Variants in TSC1 observed in about 807,000 individuals in gnomAD.
TSC1 encodes TSC complex subunit 1.
In TSC1, 20 loss-of-function variants were observed where a neutral mutation model predicts 124.3. The ratio of observed to expected loss-of-function variants is 0.16; its 90% CI spans 0.11 to 0.23. The LOEUF (loss-of-function observed/expected upper bound fraction) is 0.23. Among genes scored for constraint, TSC1 ranks in the 10% least tolerant of loss-of-function variants. TSC1 has a pLI of 1.00. For synonymous variants in TSC1, 493 were observed against 539.1 expected, an observed-to-expected ratio of 0.91 and a Z score of 1.19; for missense variants, 1,124 against 1,448.5, an observed-to-expected ratio of 0.78 and a Z score of 3.64.
At chr9:132,928,614 T>C (rs763385886) in intron 3 of TSC1, among the ~76,000 whole-genome samples, 153 bp downstream of exon 3, 9 of 152,226 alleles carry the variant, frequency 5.9e-5, no homozygotes, top group South Asian at 2.1e-4. Flanking sequence ...ATTTCCATAA[T>C]TGAAAGTTTA....
At chr9:132,941,772 G>A (rs537569246) in intron 1 of TSC1, 1 of 152,234 alleles carries the variant, frequency 6.6e-6, no homozygotes, top group African/African-American at 2.4e-5. Flanking sequence ...AATTTGCTTG[G>A]TTTTTATAAA....
Position 132,891,660 on chromosome 9 carries a change from C to T in TSC1, c.*4575G>A, listed in dbSNP as rs990682712. On this transcript the variant is annotated 3_prime_UTR_variant, in exon 23 of 23. Transcript: ENST00000298552. ...CCCTTTAAACTGCAAGTTTGCCACA[C>T]ATGGTTCATTCATGATTGAGTTATA... 7.3e-5 allele frequency: 17 copies of T among 233,562 alleles called. No individual in the cohort carries two copies. Among genetic ancestry groups the T allele is most frequent in the African/African-American group, 3.1e-4 (14 of 45,346 alleles). 14.5% of individuals were successfully genotyped at this position (233,562 alleles called of 1,614,324 possible). A position where few individuals can be genotyped will look rare whatever the true frequency, so the allele number is the denominator to read the frequency against.
intron 2 of TSC1, among the ~76,000 whole-genome samples, chr9:132,931,734 T>C (rs1847214012): frequency 6.6e-6 from 1 of 152,100 alleles, no homozygotes; most frequent in Non-Finnish European, 1.5e-5. Flanking sequence ...CATTTGAGGG[T>C]CTACAGTAAG....
At position 132,905,806 on chromosome 9, in the gene TSC1, G is replaced by A. The variant is rs768985094; in HGVS notation, c.1772C>T (p.Pro591Leu). 9 of 1,614,098 alleles carry A rather than the reference G, an allele frequency of 5.6e-6. No individual in the cohort carries two copies. The highest frequency in any genetic ancestry group is 3.3e-5 in the Admixed American group (2 of 60,000). The change falls in exon 15 of 23, where the codon CCG becomes CTG. Residue 591 changes from proline to leucine, a missense_variant. Physicochemically the swap from Pro to Leu is moderately conservative, Grantham distance 98. Transcript: ENST00000298552. The part of the protein sequence containing the change: ...FTPSPCKIPP[P>L]TRVGFGSGQP... Reference sequence around the variant, plus strand: ...CCCGCTTCCAAAGCCCACTCTCGTCGGAGGTGGAATTTTACAAGGACTGGG... The same window carrying A: ...CCCGCTTCCAAAGCCCACTCTCGTCAGAGGTGGAATTTTACAAGGACTGGG...
chr9:132,908,917 T>TTTTTTG (rs1264821966), intron 12 of TSC1, among the ~76,000 whole-genome samples: 3 of 151,040 alleles, frequency 2.0e-5, no homozygotes, highest in Non-Finnish European at 4.4e-5. Context: ...TTTTTTTTTT[T>TTTTTTG]TGTGACAGTC....
rs772288584 is a variant in TSC1, at chr9:132,896,451, T to G, written c.3279A>C (p.Arg1093=). ...TCTCGCTCTTATTACGAAATAACTC[T>G]CGAGCCTTCATACCCAGGAAGCTTT... ...SSKSFLGMKA[R]ELFRNKSESQ... is the part of the protein sequence containing the mutation. The change falls in exon 23 of 23, where the codon CGA becomes CGC. Residue 1093 remains arginine, a synonymous_variant. Coordinates refer to ENST00000298552, the MANE Select transcript of TSC1 (RefSeq NM_000368.5). This position sits in a 1 kb window ranked among gnomAD's most constrained non-coding sequence, Gnocchi z 4.5. 2 of 1,614,214 alleles carry G rather than the reference T, an allele frequency of 1.2e-6. No homozygotes were observed. Among genetic ancestry groups the G allele is most frequent in the Admixed American group, 3.3e-5 (2 of 60,030 alleles).
chr9:132,910,361 G>T, intron 12 of TSC1: 1 of 767,410 alleles, frequency 1.3e-6, no homozygotes, highest in Non-Finnish European at 2.1e-6. Context: ...TTCCCCACAA[G>T]AGTTCTGCCA....
rs1845462635 is a variant in TSC1, at chr9:132,902,910, A to G, written c.2209-123T>C. The G allele has an allele frequency of 1.6e-6, 2 of 1,284,130 alleles. No individual in the cohort carries two copies. The highest frequency in any genetic ancestry group is 2.2e-6 in the Non-Finnish European group (2 of 898,958). The allele number at this position is 1,284,130 out of a possible 1,614,324, so 79.5% of individuals were successfully genotyped here. ...CTGAAAATGTAACTAACTACAGACC[A>G]AAACTCTTAGAGCTCACTACTGTCT... On this transcript the variant is annotated intron_variant, in intron 17 of 22. Coordinates refer to ENST00000298552, the MANE Select transcript of TSC1 (RefSeq NM_000368.5). The surrounding 1 kb of genome is among the most constrained non-coding windows in gnomAD (Gnocchi z 5.2).
At chr9:132,939,572 A>T (rs943278238) in intron 1 of TSC1, among the ~76,000 whole-genome samples, 1 of 152,258 alleles carries the variant, frequency 6.6e-6, no homozygotes, top group Non-Finnish European at 1.5e-5. Context: ...GGTAAGGCGT[A>T]TCTCTTCAAT....
Position 132,905,943 on chromosome 9 carries a change from A to G in TSC1, c.1635T>C (p.Pro545=), listed in dbSNP as rs372284519. The G allele has an allele frequency of 3.7e-6, 6 of 1,613,822 alleles. No homozygotes were observed. The African/African-American group carries it at 8.0e-5, about 22-fold the overall frequency. Residue 545 remains proline, a synonymous_variant, in exon 15 of 23, where the codon CCT becomes CCC. Coordinates refer to ENST00000298552, the MANE Select transcript of TSC1 (RefSeq NM_000368.5). ...PLHSSLDKLG[P]DTPKQAFTPI... is the part of the protein sequence containing the mutation. ...GAGTAAAGGCTTGCTTTGGTGTGTCAGGCCCAAGCTTGTCCAGGGAGGAGT... is the reference window on the plus strand; with the variant it reads ...GAGTAAAGGCTTGCTTTGGTGTGTCGGGCCCAAGCTTGTCCAGGGAGGAGT...
intron 12 of TSC1, chr9:132,910,320 A>G: frequency 1.6e-6 from 1 of 638,742 alleles, no homozygotes; most frequent in South Asian, 2.0e-5. Context: ...AAAAAAAAAA[A>G]AAATCAAGAG....
chr9:132,929,979 C>CTGTGA (rs1295100359), intron 2 of TSC1, among the ~76,000 whole-genome samples: 8 of 152,154 alleles, frequency 5.3e-5, no homozygotes, highest in Non-Finnish European at 7.4e-5. Flanking sequence ...CACAGCAAGT[C>CTGTGA]TGTGATGTGA....
At chr9:132,940,071 G>C (rs909953652) in intron 1 of TSC1, among the ~76,000 whole-genome samples, 12 of 152,126 alleles carry the variant, frequency 7.9e-5, no homozygotes, top group African/African-American at 2.9e-4. Context: ...AAAAGGCCCA[G>C]TGGAATTCTG....
rs906380698 is a variant in TSC1, at chr9:132,910,280, G to A, written c.1263+291C>T. ...CGTGCCACTGCACTCCACCCTGGGC[G>A]ACAGAGCAAGACCCTGTCTCCAAAA... On this transcript the variant is annotated intron_variant, in intron 12 of 22. Transcript: ENST00000298552. 57 of 587,714 alleles carry A rather than the reference G, an allele frequency of 9.7e-5. 1 individual carries two copies. The highest frequency in any genetic ancestry group is 3.8e-4 in the Admixed American group (12 of 31,360). 36.4% of individuals were successfully genotyped at this position (587,714 alleles called of 1,614,324 possible).
chr9:132,918,655 T>C (rs1327786493), intron 8 of TSC1, among the ~76,000 whole-genome samples: 2 of 152,140 alleles, frequency 1.3e-5, no homozygotes, highest in African/African-American at 4.8e-5. Context: ...ACCAGCCTCT[T>C]TCCCCCCAGA....
chr9:132,903,551 G>A lies in TSC1; in HGVS notation c.2208+100C>T, dbSNP rs1845489349. 2 of 1,565,448 alleles carry A rather than the reference G, an allele frequency of 1.3e-6. No homozygotes were observed. The highest frequency in any genetic ancestry group is 2.7e-5 in the African/African-American group (2 of 73,976). On this transcript the variant is annotated intron_variant, in intron 17 of 22. Transcript: ENST00000298552. This position sits in a 1 kb window ranked among gnomAD's most constrained non-coding sequence, Gnocchi z 5.9. Reference sequence around the variant, plus strand: ...CCTGCCCAAAGGAGTGGGAAGGACTGGGAACTCTGACCTCCTCGGCTGCTG... The same window carrying A: ...CCTGCCCAAAGGAGTGGGAAGGACTAGGAACTCTGACCTCCTCGGCTGCTG...
chr9:132,926,085 A>G (rs1387891594), intron 4 of TSC1: 2 of 348,566 alleles, frequency 5.7e-6, no homozygotes, highest in Non-Finnish European at 1.1e-5. Context: ...GCAGCCACTT[A>G]TTGCTAGAGC....
rs1846689474 is a variant in TSC1, at chr9:132,923,569, G to A, written c.364-77C>T. On this transcript the variant is annotated intron_variant, in intron 5 of 22. Coordinates refer to ENST00000298552, the MANE Select transcript of TSC1 (RefSeq NM_000368.5). The surrounding 1 kb of genome is among the most constrained non-coding windows in gnomAD (Gnocchi z 4.2). ...ATCGGCATTGTACAGTACATGAAGA[G>A]GCTCTAAACACTGAGAGAATCACAA... is the stretch of plus-strand genomic sequence containing the variant. 6.3e-7 allele frequency: 1 copy of A among 1,594,126 alleles called. No individual in the cohort carries two copies. Among genetic ancestry groups the A allele is most frequent in the Admixed American group, 1.7e-5 (1 of 59,874 alleles).
chr9:132,927,926 C>A (rs1846977895), intron 3 of TSC1, among the ~76,000 whole-genome samples: 1 of 152,170 alleles, frequency 6.6e-6, no homozygotes, highest in African/African-American at 2.4e-5. Context: ...TCCTCACCAC[C>A]TGCCTCCCAA....
Sources: gnomAD v4.1 joint callset for allele counts (sites outside exome capture counted in the v4.1 genomes callset) on GRCh38, gnomAD v4.1.1 for gene constraint, Gnocchi (gnomAD v3.1) non-coding constraint, MANE v1.5 for transcripts, NCBI Gene and HGNC (gene_info 2026-07-23, HGNC 2026-07-21) for gene names.